BANK1: variants seen among roughly 807,000 people sequenced by gnomAD.
The protein encoded by BANK1 is B cell scaffold protein with ankyrin repeats 1, also known as B-cell scaffold protein with ankyrin repeats.
In BANK1, 95 loss-of-function variants were observed where a neutral mutation model predicts 94.5. The ratio of observed to expected loss-of-function variants is 1.00; its 90% CI spans 0.85 to 1.19. BANK1 has a LOEUF of 1.19. BANK1 is among the 50% of genes most tolerant of loss of function. BANK1 has a pLI of 0.00. For synonymous variants in BANK1, 334 were observed against 308.4 expected (o/e 1.08, Z -0.87); for missense variants, 987 against 932.2 (o/e 1.06, Z -0.77).
chr4:101,795,183 C>G, intron 1 of BANK1, among the ~76,000 whole-genome samples: 1 of 152,070 alleles, frequency 6.6e-6, no homozygotes, highest in Middle Eastern at 3.4e-3. Context: ...GTGTCAAGAC[C>G]ACTTGAAATT....
At chr4:101,962,803 A>G (rs1261562101) in intron 7 of BANK1, among the ~76,000 whole-genome samples, 3 of 152,136 alleles carry the variant, frequency 2.0e-5, no homozygotes, top group Non-Finnish European at 4.4e-5. Flanking sequence ...GTGTTCTAGT[A>G]TGGCACTTCC....
intron 7 of BANK1, among the ~76,000 whole-genome samples, chr4:101,982,894 C>T (rs958803992): frequency 6.6e-6 from 1 of 151,912 alleles, no homozygotes; most frequent in Non-Finnish European, 1.5e-5. Flanking sequence ...TGTATATACG[C>T]ATGGAATTTC....
intron 9 of BANK1, among the ~76,000 whole-genome samples, chr4:102,026,166 T>C (rs1727089853): frequency 1.3e-5 from 2 of 152,124 alleles, no homozygotes; most frequent in Non-Finnish European, 2.9e-5. Context: ...GTGTGGGGAA[T>C]CTGTCCTTGC....
intron 5 of BANK1, among the ~76,000 whole-genome samples, chr4:101,893,958 G>A (rs1485853632): frequency 2.0e-5 from 3 of 151,908 alleles, no homozygotes; most frequent in African/African-American, 7.3e-5. Flanking sequence ...TCCTTAACCA[G>A]GCCATGCATA....
intron 7 of BANK1, among the ~76,000 whole-genome samples, chr4:101,983,382 A>G (rs944311546): frequency 7.9e-5 from 12 of 152,030 alleles, no homozygotes; most frequent in African/African-American, 2.7e-4. Context: ...TCTTGTCTTT[A>G]CCACGTAGTA....
At chr4:102,060,014 T>A (rs1055728810) in intron 11 of BANK1, among the ~76,000 whole-genome samples, 197 bp from the exon 12 acceptor site, 14 of 152,170 alleles carry the variant, frequency 9.2e-5, no homozygotes, top group African/African-American at 3.1e-4. Context: ...ATGAGACACT[T>A]TTTTTTCACC....
chr4:101,933,347 C>T (rs1723422890), intron 7 of BANK1, among the ~76,000 whole-genome samples: 1 of 149,688 alleles, frequency 6.7e-6, no homozygotes, highest in Non-Finnish European at 1.5e-5. Context: ...TGAGAGCATT[C>T]ACTGGCAGTA....
At chr4:101,818,394 C>T (rs1357631498) in intron 1 of BANK1, among the ~76,000 whole-genome samples, 1 of 152,164 alleles carries the variant, frequency 6.6e-6, no homozygotes, top group African/African-American at 2.4e-5. Context: ...TGAAAATCAG[C>T]AGTTATTTTA....
chr4:102,045,565 C>T (rs1455926647), intron 11 of BANK1, among the ~76,000 whole-genome samples: 2 of 152,074 alleles, frequency 1.3e-5, no homozygotes, highest in Non-Finnish European at 2.9e-5. Context: ...CCCAAAATCT[C>T]CTTAAGCTGA....
At chr4:101,958,529 C>T (rs1724449398) in intron 7 of BANK1, among the ~76,000 whole-genome samples, 1 of 149,668 alleles carries the variant, frequency 6.7e-6, no homozygotes, top group Admixed American at 6.7e-5. Context: ...GCCAGCTTGG[C>T]CCATCTGCTG....
Position 101,852,489 on chromosome 4 carries a change from TATATATATATATATAC to T in BANK1, c.470-2544_470-2529del, listed in dbSNP as rs1370021325. ...TTTCGGCTATATATATATATATATA[TATATATATATATATAC>T]ACACACACATATAGTCTATTCTCAT... On this transcript the variant is annotated intron_variant, in intron 2 of 16. Coordinates refer to ENST00000322953, the MANE Select transcript of BANK1 (RefSeq NM_017935.5). Among the ~76,000 whole-genome samples, 9 of 110,988 alleles carry T rather than the reference TATATATATATATATAC, an allele frequency of 8.1e-5. No individual in the cohort carries two copies. In the South Asian group the frequency reaches 1.3e-3, roughly 16 times the overall value. The allele number at this position is 110,988 out of a possible 152,430, so 72.8% of individuals were successfully genotyped here. A position where few individuals can be genotyped will look rare whatever the true frequency, so the allele number is the denominator to read the frequency against.
At chr4:101,839,628 A>C (rs1726956110) in intron 2 of BANK1, among the ~76,000 whole-genome samples, 2 of 152,160 alleles carry the variant, frequency 1.3e-5, no homozygotes, top group African/African-American at 4.8e-5. Context: ...CCCCGTTATT[A>C]TGCTACCCTA....
At chr4:101,882,451 CTT>C (rs1279068077) in intron 5 of BANK1, among the ~76,000 whole-genome samples, 4 of 152,138 alleles carry the variant, frequency 2.6e-5, no homozygotes, top group Non-Finnish European at 5.9e-5. Flanking sequence ...TCTTTACTGA[CTT>C]TTAACAGCAT....
chr4:102,003,895 A>ATG (rs1296841696), intron 7 of BANK1, among the ~76,000 whole-genome samples: 7 of 151,474 alleles, frequency 4.6e-5, no homozygotes, highest in Non-Finnish European at 5.9e-5. Context: ...ATATACATAT[A>ATG]TGTGTGTATA....
At chr4:101,829,246 CAAGGA>C (rs1417231179) in intron 1 of BANK1, among the ~76,000 whole-genome samples, 2 of 152,082 alleles carry the variant, frequency 1.3e-5, no homozygotes, top group Non-Finnish European at 2.9e-5. Context: ...TTTCTTATTT[CAAGGA>C]TTTTAAAAAT....
intron 7 of BANK1, among the ~76,000 whole-genome samples, chr4:101,980,536 G>A (rs899109995): frequency 1.1e-4 from 17 of 151,336 alleles, no homozygotes; most frequent in African/African-American, 2.2e-4. Flanking sequence ...CCCTCCTCCC[G>A]TTGCTCTTCT....
intron 7 of BANK1, among the ~76,000 whole-genome samples, chr4:101,995,544 T>C (rs927595220): frequency 3.3e-5 from 5 of 152,204 alleles, no homozygotes; most frequent in Non-Finnish European, 7.4e-5. Flanking sequence ...ATGGTTGAAC[T>C]AGTTTACAGT....
chr4:101,815,534 A>G (rs1409089479), intron 1 of BANK1, among the ~76,000 whole-genome samples: 1 of 152,158 alleles, frequency 6.6e-6, no homozygotes, highest in Non-Finnish European at 1.5e-5. Context: ...TTACACCAAC[A>G]TCCACTAAGT....
intron 7 of BANK1, among the ~76,000 whole-genome samples, chr4:101,989,240 C>T (rs967474383): frequency 3.3e-5 from 5 of 151,706 alleles, no homozygotes; most frequent in East Asian, 1.9e-4. Context: ...GTCAGGAGTT[C>T]GAGACCAGCC....
Sources: gnomAD v4.1 joint callset for allele counts (sites outside exome capture counted in the v4.1 genomes callset) on GRCh38, gnomAD v4.1.1 for gene constraint, MANE v1.5 for transcripts, NCBI Gene and HGNC (gene_info 2026-07-23, HGNC 2026-07-21) for gene names.